CHST9: variants seen among roughly 807,000 people sequenced by gnomAD.
The protein encoded by CHST9 is carbohydrate sulfotransferase 9, also known as GalNAc-4-sulfotransferase 2.
Under a neutral mutation model 44.4 loss-of-function variants are expected in CHST9, and 41 were observed. The ratio of observed to expected loss-of-function variants is 0.92; its 90% CI spans 0.72 to 1.20. CHST9 has a LOEUF of 1.20. Among genes scored for constraint, CHST9 ranks in the 50% most tolerant of loss-of-function variants. CHST9 has a pLI of 0.00. For missense variants in CHST9, 504 were observed against 516.5 expected (o/e 0.98, Z 0.23); for synonymous variants, 171 against 178.4 (o/e 0.96, Z 0.33).
chr18:27,170,183 T>C (rs1275626205), intron 1 of CHST9, among the ~76,000 whole-genome samples: 1 of 152,058 alleles, frequency 6.6e-6, no homozygotes, highest in Non-Finnish European at 1.5e-5. Context: ...TTACAATAGG[T>C]GGGATATGAG....
intron 2 of CHST9, among the ~76,000 whole-genome samples, chr18:27,136,792 A>T (rs768929655): frequency 6.6e-6 from 1 of 152,210 alleles, no homozygotes; most frequent in Non-Finnish European, 1.5e-5. Flanking sequence ...ATAAATAGCT[A>T]AAAAAGTATT....
intron 2 of CHST9, among the ~76,000 whole-genome samples, chr18:27,076,827 C>A (rs2057909400): frequency 1.3e-5 from 2 of 152,124 alleles, no homozygotes; most frequent in South Asian, 4.1e-4. Flanking sequence ...ATTATCTGCA[C>A]ATGATGGGAA....
rs552773433 is a variant in CHST9, at chr18:26,940,665, G to T, written c.240+3664C>A. 7.5e-4 allele frequency among the ~76,000 whole-genome samples: 114 copies of T among 152,302 alleles called. 1 individual carries two copies. Among genetic ancestry groups the T allele is most frequent in the African/African-American group, 2.7e-3 (112 of 41,574 alleles). On this transcript the variant is annotated intron_variant, in intron 5 of 5. Transcript: ENST00000618847. ...GAGAGGTCAACAGGAGATCCCATCA[G>T]AAGTGCCCAGTGCTCAGAGGGAGTG...
At chr18:27,064,269 GAA>G (rs11388117) in intron 2 of CHST9, among the ~76,000 whole-genome samples, 6 of 147,382 alleles carry the variant, frequency 4.1e-5, no homozygotes, top group Non-Finnish European at 6.0e-5. Context: ...GCCTTACAGC[GAA>G]AAAAAAAAAA....
intron 2 of CHST9, among the ~76,000 whole-genome samples, chr18:27,128,798 A>C (rs929365674): frequency 2.0e-5 from 3 of 152,224 alleles, no homozygotes; most frequent in Non-Finnish European, 2.9e-5. Context: ...AAACTGGCAA[A>C]ATGAAGTATC....
At chr18:27,056,117 A>AT (rs1568152807) in intron 2 of CHST9, among the ~76,000 whole-genome samples, 1 of 152,184 alleles carries the variant, frequency 6.6e-6, no homozygotes. Flanking sequence ...GAATGAAACA[A>AT]TTTTTTTAAC....
intron 2 of CHST9, among the ~76,000 whole-genome samples, chr18:27,101,955 A>G (rs2058176629): frequency 6.6e-6 from 1 of 152,252 alleles, no homozygotes; most frequent in Non-Finnish European, 1.5e-5. Flanking sequence ...TAAAAACCAC[A>G]GGAAATCACA....
intron 4 of CHST9, among the ~76,000 whole-genome samples, chr18:26,970,834 C>G (rs2056533176): frequency 6.6e-6 from 1 of 152,216 alleles, no homozygotes; most frequent in Admixed American, 6.5e-5. Context: ...ACATCCATCA[C>G]TGCAATCAAA....
chr18:26,926,528 T>C (rs1231003063), intron 5 of CHST9, among the ~76,000 whole-genome samples: 2 of 152,210 alleles, frequency 1.3e-5, no homozygotes, highest in African/African-American at 4.8e-5. Context: ...GATTTATCAT[T>C]CTATCTTCCT....
intron 1 of CHST9, among the ~76,000 whole-genome samples, chr18:27,169,634 C>G (rs1207421988): frequency 9.0e-6 from 1 of 111,308 alleles, no homozygotes; most frequent in Non-Finnish European, 1.7e-5. Flanking sequence ...GAGACAGAGT[C>G]TCACTCATTG....
chr18:27,083,076 TA>T (rs2057976270), intron 2 of CHST9, among the ~76,000 whole-genome samples: 1 of 152,012 alleles, frequency 6.6e-6, no homozygotes, highest in Non-Finnish European at 1.5e-5. Context: ...GAGATAGCCG[TA>T]AGGAAAGGTA....
At position 27,127,693 on chromosome 18, in the gene CHST9, G is replaced by A. The variant is rs143364934; in HGVS notation, c.121+14996C>T. Among the ~76,000 whole-genome samples the A allele has an allele frequency of 7.5e-3, 1,146 of 152,228 alleles. 15 individuals are homozygous for A. Among genetic ancestry groups the A allele is most frequent in the Middle Eastern group, 0.017 (5 of 292 alleles). On this transcript the variant is annotated intron_variant, in intron 2 of 5. Coordinates refer to ENST00000618847, the MANE Select transcript of CHST9 (RefSeq NM_031422.6). ...TTGAACTGTGTATAATTACAGAAACGACAAAGCAATACAGAAAGAGACGAT... is the reference window on the plus strand; with the variant it reads ...TTGAACTGTGTATAATTACAGAAACAACAAAGCAATACAGAAAGAGACGAT...
intron 2 of CHST9, among the ~76,000 whole-genome samples, chr18:27,129,353 T>G (rs547815815): frequency 1.3e-5 from 2 of 152,074 alleles, no homozygotes; most frequent in Non-Finnish European, 2.9e-5. Flanking sequence ...CTTAATTGCT[T>G]GGTTTATTTT....
intron 1 of CHST9, among the ~76,000 whole-genome samples, chr18:27,175,283 A>C (rs1023798622): frequency 2.0e-5 from 3 of 151,850 alleles, no homozygotes; most frequent in Admixed American, 6.6e-5. Context: ...TGTTTTCTTC[A>C]ATATGGTAAA....
At chr18:27,163,498 C>T (rs879480052) in intron 1 of CHST9, among the ~76,000 whole-genome samples, 1 of 152,344 alleles carries the variant, frequency 6.6e-6, no homozygotes. Context: ...TTTACCTACT[C>T]AAGCCTCCGC....
chr18:27,129,100 A>AATTG (rs140580800), intron 2 of CHST9, among the ~76,000 whole-genome samples: 1,660 of 151,660 alleles, frequency 0.011, 25 homozygotes, highest in African/African-American at 0.035. Flanking sequence ...GAGGAAAGTG[A>AATTG]ATTAATTTTG....
intron 4 of CHST9, among the ~76,000 whole-genome samples, chr18:27,003,874 G>A (rs2056982077): frequency 6.6e-6 from 1 of 151,962 alleles, no homozygotes. Context: ...TGTAATGTAA[G>A]AATGTGTTAT....
chr18:27,098,392 G>A (rs1333406642), intron 2 of CHST9, among the ~76,000 whole-genome samples: 2 of 151,996 alleles, frequency 1.3e-5, no homozygotes, highest in Non-Finnish European at 2.9e-5. Context: ...AAGATGGCGT[G>A]GTGATTCCTC....
At chr18:27,094,248 A>T (rs2058095631) in intron 2 of CHST9, among the ~76,000 whole-genome samples, 1 of 152,224 alleles carries the variant, frequency 6.6e-6, no homozygotes, top group Admixed American at 6.5e-5. Flanking sequence ...TCATATTCAC[A>T]GTAGGGATGT....
Sources: allele counts gnomAD v4.1 joint callset (sites outside exome capture counted in the v4.1 genomes callset), GRCh38; gene constraint gnomAD v4.1.1; transcripts MANE v1.5; gene names NCBI Gene and HGNC (gene_info 2026-07-23, HGNC 2026-07-21).